The following PLEKHH1 variants were observed in gnomAD, a reference collection of about 807,000 sequenced individuals.
PLEKHH1 encodes the protein pleckstrin homology, MyTH4 and FERM domain containing H1, also known as pleckstrin homology domain-containing family H member 1.
In PLEKHH1, 104 loss-of-function variants were observed where a neutral mutation model predicts 160.0. The observed-to-expected ratio is 0.65, with a 90% CI of 0.55 to 0.76. The LOEUF (loss-of-function observed/expected upper bound fraction) is 0.76. PLEKHH1 is among the 30% of genes least tolerant of loss of function. The pLI, the probability that PLEKHH1 is intolerant of heterozygous loss-of-function variation, is 0.00. For synonymous variants in PLEKHH1, 619 were observed against 678.4 expected (o/e 0.91, Z 1.36); for missense variants, 1,427 against 1,724.1 (o/e 0.83, Z 3.05).
chr14:67,582,108 A>T lies in PLEKHH1; in HGVS notation c.3324A>T (p.Arg1108=). The T allele has an allele frequency of 6.2e-7, 1 of 1,613,220 alleles. No individual in the cohort carries two copies. Among genetic ancestry groups the T allele is most frequent in the Non-Finnish European group, 8.5e-7 (1 of 1,179,682 alleles). ...FRSQVKGETD[R]ERLLLASQTS... Reference sequence around the variant, plus strand: ...GTCAAGTCAAAGGGGAGACGGACCGAGAACGGCTGCTCCTTGCCTCTCAAA... The same window carrying T: ...GTCAAGTCAAAGGGGAGACGGACCGTGAACGGCTGCTCCTTGCCTCTCAAA... The change falls in exon 24 of 29, where the codon CGA becomes CGT. Residue 1108 remains arginine, a synonymous_variant. Transcript: ENST00000329153. The surrounding 1 kb of genome is among the most constrained non-coding windows in gnomAD (Gnocchi z 5.0).
chr14:67,547,798 AGG>A (rs1348898818), intron 2 of PLEKHH1, among the ~76,000 whole-genome samples: 1 of 134,730 alleles, frequency 7.4e-6, no homozygotes, highest in East Asian at 2.8e-4. Context: ...CATTCTAGTC[AGG>A]GAATAATCTG....
rs745325383 is a variant in PLEKHH1 at position 67,586,100 on chromosome 14, A to G, written c.3933+3A>G. The stretch of plus-strand genomic sequence containing the variant: ...TCTTCCGGATGGCTGCTCCCAAGGT[A>G]GGTCTGACAGCTGTTAAAACGTTCT... On this transcript the variant is annotated splice_donor_region_variant and intron_variant, in intron 28 of 28. Transcript: ENST00000329153. 16 of 1,613,646 alleles carry G rather than the reference A, an allele frequency of 9.9e-6. No individual in the cohort carries two copies. The highest frequency in any genetic ancestry group is 1.3e-5 in the Non-Finnish European group (15 of 1,179,834).
At chr14:67,537,913 G>A (rs1469003792) in intron 1 of PLEKHH1, among the ~76,000 whole-genome samples, 4 of 152,188 alleles carry the variant, frequency 2.6e-5, no homozygotes, top group African/African-American at 7.2e-5. Flanking sequence ...GGATGCCAAA[G>A]CAGGTATCAA....
chr14:67,546,355 A>G (rs980378649), intron 2 of PLEKHH1, among the ~76,000 whole-genome samples: 3 of 152,140 alleles, frequency 2.0e-5, no homozygotes, highest in Non-Finnish European at 2.9e-5. Flanking sequence ...TTTTAAGACA[A>G]AGTGACAAGT....
intron 1 of PLEKHH1, among the ~76,000 whole-genome samples, chr14:67,537,346 A>AAAAAATAAT (rs1555364829): frequency 3.2e-5 from 4 of 126,602 alleles, no homozygotes; most frequent in Admixed American, 7.8e-5. Context: ...TCCATCTCAA[A>AAAAAATAAT]AATAATAATA....
chr14:67,573,250 T>G lies in PLEKHH1; in HGVS notation c.1729-26T>G. 1 of 1,452,660 alleles carries G rather than the reference T, an allele frequency of 6.9e-7. No homozygotes were observed. The highest frequency in any genetic ancestry group is 2.3e-5 in the East Asian group (1 of 44,144). 90.0% of individuals were successfully genotyped at this position (1,452,660 alleles called of 1,614,324 possible). On this transcript the variant is annotated intron_variant, in intron 11 of 28. Coordinates refer to ENST00000329153, the MANE Select transcript of PLEKHH1 (RefSeq NM_020715.3). This position sits in a 1 kb window ranked among gnomAD's most constrained non-coding sequence, Gnocchi z 4.8. ...GGAGCCCTGAGTGATTTCCCCTTTC[T>G]TCATCTACACCCTTCCACCCCTCAG...
rs769942430 is a variant in PLEKHH1 at position 67,562,179 on chromosome 14, A to G, written c.548A>G (p.Tyr183Cys). 31 of 1,611,464 alleles carry G rather than the reference A, an allele frequency of 1.9e-5. No individual in the cohort carries two copies. The South Asian group carries it at 2.6e-4, about 14-fold the overall frequency. The change falls in exon 7 of 29, where the codon TAC (tyrosine) becomes TGC (cysteine). Residue 183 changes from tyrosine to cysteine, a missense_variant. Tyr to Cys is a radical substitution (Grantham distance 194). This residue lies in a region of PLEKHH1 where 831 missense variants were observed against 929.2 expected (regional missense o/e 0.89). Coordinates refer to ENST00000329153, the MANE Select transcript of PLEKHH1 (RefSeq NM_020715.3). ...TCACGGAAGCTGCTGGTGCCCCCCT[A>G]CGGAGCTGCAGAGCAGGATTCTGTC... ...APSRKLLVPP[Y>C]GAAEQDSVPS...
chr14:67,572,020 C>A, intron 10 of PLEKHH1, 115 bp from the exon 11 acceptor site: 1 of 1,474,668 alleles, frequency 6.8e-7, no homozygotes, highest in Non-Finnish European at 9.2e-7. Context: ...CCAGCAGCTC[C>A]ACCCCCAGCC....
Position 67,555,827 on chromosome 14 carries a change from G to T in PLEKHH1, c.129G>T (p.Met43Ile), listed in dbSNP as rs766038628. 9.3e-6 allele frequency: 15 copies of T among 1,613,320 alleles called. No individual in the cohort carries two copies. The highest frequency in any genetic ancestry group is 1.3e-5 in the Non-Finnish European group (15 of 1,179,578). ...CCCCTTTCTCTCTGGCCAAGCAGAT[G>T]CAGGAGCTGGAGCAGAGGCTGCTGG... ...SKIRELLADK[M>I]QELEQRLLEA... Residue 43 changes from methionine to isoleucine, a missense_variant and splice_region_variant, in exon 3 of 29, where the codon ATG becomes ATT. Met to Ile is a conservative substitution (Grantham distance 10). This residue lies in a region of PLEKHH1 where 831 missense variants were observed against 929.2 expected (regional missense o/e 0.89). Coordinates refer to ENST00000329153, the MANE Select transcript of PLEKHH1 (RefSeq NM_020715.3).
In PLEKHH1 at chr14:67,562,158, G is replaced by A. The variant is rs560070070; in HGVS notation, c.527G>A (p.Arg176Gln). 109 of 1,611,078 alleles carry A rather than the reference G, an allele frequency of 6.8e-5. No homozygotes were observed. Among genetic ancestry groups the A allele is most frequent in the Admixed American group, 1.2e-4 (7 of 59,728 alleles). ...ACAGCTATTCAGATAGCTCCTTCAC[G>A]GAAGCTGCTGGTGCCCCCCTACGGA... ...ALEAIQIAPS[R>Q]KLLVPPYGAA... Residue 176 changes from arginine (R) to glutamine (Q), a missense_variant, in exon 7 of 29, where the codon CGG becomes CAG. This residue lies in a region of PLEKHH1 where 831 missense variants were observed against 929.2 expected (regional missense o/e 0.89). Transcript: ENST00000329153.
intron 2 of PLEKHH1, among the ~76,000 whole-genome samples, chr14:67,542,941 C>T (rs983736296): frequency 2.0e-5 from 3 of 152,108 alleles, no homozygotes; most frequent in Admixed American, 1.3e-4. Flanking sequence ...CTCAGGTGAT[C>T]CTCGCCTCAG....
chr14:67,537,367 TAATAATAATAATAAA>T lies in PLEKHH1; in HGVS notation c.-35+3972_-35+3986del, dbSNP rs1174013401. Among the ~76,000 whole-genome samples the T allele has an allele frequency of 9.5e-4, 129 of 136,226 alleles. No homozygotes were observed. The East Asian group carries it at 0.025, about 26-fold the overall frequency. 89.4% of individuals were successfully genotyped at this position (136,226 alleles called of 152,430 possible). ...TCAAAAATAATAATAATAATAATAA[TAATAATAATAATAAA>T]AACTTAATCTTAGGCTGGGCGCAGT... On this transcript the variant is annotated intron_variant, in intron 1 of 28. Coordinates refer to ENST00000329153, the MANE Select transcript of PLEKHH1 (RefSeq NM_020715.3).
At chr14:67,583,020 T>C (rs1462474766) in intron 24 of PLEKHH1, among the ~76,000 whole-genome samples, 2 of 152,190 alleles carry the variant, frequency 1.3e-5, no homozygotes, top group Non-Finnish European at 2.9e-5. Flanking sequence ...CTTCCCATTA[T>C]ATTTAGAAGG....
chr14:67,584,203 G>T, intron 26 of PLEKHH1, 79 bp downstream of exon 26: 1 of 1,462,074 alleles, frequency 6.8e-7, no homozygotes, highest in Non-Finnish European at 9.4e-7. Flanking sequence ...CCAATTTGCA[G>T]CCCCTACCTC....
At position 67,562,022 on chromosome 14, in the gene PLEKHH1, A is replaced by G. The variant is rs751389658; in HGVS notation, c.492A>G (p.Gln164=). 6.2e-6 allele frequency: 10 copies of G among 1,613,688 alleles called. No individual in the cohort carries two copies. The highest frequency in any genetic ancestry group is 8.5e-6 in the Non-Finnish European group (10 of 1,179,706). ...TGGTGGAGCAGGTGGGATCCCTTCA[A>G]GATGCGCTAGAAGGTAGGCAGGCCA... ...QRLVEQVGSL[Q]DALEAIQIAP... The change falls in exon 6 of 29, where the codon CAA becomes CAG. Residue 164 remains glutamine, a synonymous_variant. Coordinates refer to ENST00000329153, the MANE Select transcript of PLEKHH1 (RefSeq NM_020715.3).
chr14:67,549,242 T>C (rs534698792), intron 2 of PLEKHH1, among the ~76,000 whole-genome samples: 9 of 152,014 alleles, frequency 5.9e-5, no homozygotes, highest in African/African-American at 2.2e-4. Flanking sequence ...GGGGTGTGTG[T>C]GCGTGTGTGT....
At chr14:67,580,819 TG>T in intron 22 of PLEKHH1, 118 bp from the exon 23 acceptor site, 2 of 656,140 alleles carry the variant, frequency 3.0e-6, no homozygotes, top group Non-Finnish European at 5.4e-6. Flanking sequence ...AGCCTCCTGG[TG>T]GGAGGACTTT....
At chr14:67,544,698 C>T (rs2034108731) in intron 2 of PLEKHH1, among the ~76,000 whole-genome samples, 2 of 152,162 alleles carry the variant, frequency 1.3e-5, no homozygotes, top group South Asian at 4.1e-4. Flanking sequence ...CTAAATAGAA[C>T]TTTAATAAGT....
chr14:67,545,582 A>T (rs900302310), intron 2 of PLEKHH1, among the ~76,000 whole-genome samples: 1 of 152,238 alleles, frequency 6.6e-6, no homozygotes, highest in Non-Finnish European at 1.5e-5. Flanking sequence ...GGCAGAAATA[A>T]ATCCAAATAT....
Sources: allele counts gnomAD v4.1 joint callset (sites outside exome capture counted in the v4.1 genomes callset), GRCh38; gene constraint gnomAD v4.1.1; regional missense constraint gnomAD v4.1.1; non-coding constraint Gnocchi (gnomAD v3.1); transcripts MANE v1.5; gene names NCBI Gene and HGNC (gene_info 2026-07-23, HGNC 2026-07-21).